PHF20L1: variants seen among roughly 807,000 people sequenced by gnomAD.
PHF20L1 encodes PHD finger protein 20-like protein 1.
A neutral mutation model predicts 125.5 loss-of-function variants in PHF20L1; 44 were observed. The ratio of observed to expected loss-of-function variants is 0.35; its 90% CI spans 0.28 to 0.45. PHF20L1 has a LOEUF of 0.45. Ranked by LOEUF, PHF20L1 falls within the 20% of genes least tolerant of loss-of-function variation. PHF20L1 has a pLI of 1.00. For synonymous variants in PHF20L1, 380 were observed against 403.1 expected (o/e 0.94, Z 0.69); for missense variants, 1,012 against 1,217.2 (o/e 0.83, Z 2.51).
intron 18 of PHF20L1, among the ~76,000 whole-genome samples, chr8:132,840,629 C>T (rs1349102023): frequency 6.6e-6 from 1 of 152,118 alleles, no homozygotes; most frequent in African/African-American, 2.4e-5. Context: ...AACATCCCAG[C>T]TATCCCAAAC....
chr8:132,841,532 A>C (rs1400900242), intron 18 of PHF20L1: 1 of 152,138 alleles, frequency 6.6e-6, no homozygotes, highest in Non-Finnish European at 1.5e-5. Flanking sequence ...GAAATTATTA[A>C]TATGCAAACA....
chr8:132,812,154 A>ATAT (rs1834467206), intron 9 of PHF20L1: 2 of 978,860 alleles, frequency 2.0e-6, no homozygotes, highest in Non-Finnish European at 2.4e-6. Flanking sequence ...CTTTGCCGTT[A>ATAT]TTGTCAATAT....
chr8:132,821,615 G>A (rs1835605037), intron 12 of PHF20L1, among the ~76,000 whole-genome samples: 1 of 151,966 alleles, frequency 6.6e-6, no homozygotes, highest in Non-Finnish European at 1.5e-5. Flanking sequence ...TACAGAGCCT[G>A]GGGTTTCTAT....
At chr8:132,824,131 C>A (rs1835898549) in intron 13 of PHF20L1, 71 bp downstream of exon 13, 1 of 942,326 alleles carries the variant, frequency 1.1e-6, no homozygotes. Flanking sequence ...TAGTCTGCCC[C>A]TTACTCTTTA....
At chr8:132,830,537 A>G (rs1175078217) in intron 14 of PHF20L1, among the ~76,000 whole-genome samples, 5 of 151,654 alleles carry the variant, frequency 3.3e-5, no homozygotes, top group Non-Finnish European at 7.4e-5. Context: ...CCTTTTTCCC[A>G]CTCGTTTCCA....
chr8:132,813,488 T>G (rs2131652132), intron 9 of PHF20L1, among the ~76,000 whole-genome samples: 1 of 152,036 alleles, frequency 6.6e-6, no homozygotes, highest in Non-Finnish European at 1.5e-5. Flanking sequence ...AATTATTTAT[T>G]TATTTAGTCC....
In PHF20L1 at chr8:132,843,159, A is replaced by G. The variant is rs994311478; in HGVS notation, c.2748+284A>G. ...TCGATGCTTCTAAAAAATGAACCAC[A>G]TTGTATTCAAAACGAAAATGTCAGT... On this transcript the variant is annotated intron_variant, in intron 19 of 20. Coordinates refer to ENST00000395386, the MANE Select transcript of PHF20L1 (RefSeq NM_016018.5). 11 of 1,079,764 alleles carry G rather than the reference A, an allele frequency of 1.0e-5. No homozygotes were observed. In the African/African-American group the frequency reaches 1.7e-4, roughly 16 times the overall value. 66.9% of individuals were successfully genotyped at this position (1,079,764 alleles called of 1,614,324 possible). A position where few individuals can be genotyped will look rare whatever the true frequency, so the allele number is the denominator to read the frequency against.
rs771892870 is a variant in PHF20L1, at chr8:132,832,238, A to G, written c.1748A>G (p.Tyr583Cys). 3.6e-5 allele frequency: 57 copies of G among 1,571,490 alleles called. No homozygotes were observed. Among genetic ancestry groups the G allele is most frequent in the Admixed American group, 6.7e-5 (4 of 59,830 alleles). Residue 583 changes from tyrosine to cysteine, a missense_variant, in exon 15 of 21, where the codon TAT becomes TGT. Around this residue, in one of 7 missense-constraint regions of PHF20L1, gnomAD observed 320 missense variants for 293.8 expected, o/e 1.09. Coordinates refer to ENST00000395386, the MANE Select transcript of PHF20L1 (RefSeq NM_016018.5). ...CTTTCTGTATCTTATGTTGCAGACTATTCAGACTATGAAGACAGTTCCCTC... is the reference window on the plus strand; with the variant it reads ...CTTTCTGTATCTTATGTTGCAGACTGTTCAGACTATGAAGACAGTTCCCTC... ...KKKKKSKQHD[Y>C]SDYEDSSLEF...
intron 2 of PHF20L1, among the ~76,000 whole-genome samples, chr8:132,785,325 T>C (rs746063226): frequency 6.6e-6 from 1 of 152,226 alleles, no homozygotes; most frequent in South Asian, 2.1e-4. Flanking sequence ...TTATCTGTTG[T>C]GGTAGTTAAC....
At chr8:132,844,772 T>G (rs966487708) in intron 20 of PHF20L1, among the ~76,000 whole-genome samples, 1 of 152,158 alleles carries the variant, frequency 6.6e-6, no homozygotes, top group Non-Finnish European at 1.5e-5. Context: ...TTTTATATTT[T>G]AAAATTGTGT....
chr8:132,781,060 AG>A (rs1830371221), intron 2 of PHF20L1, among the ~76,000 whole-genome samples: 2 of 152,124 alleles, frequency 1.3e-5, no homozygotes, highest in Admixed American at 6.5e-5. Flanking sequence ...TGTATTGCCC[AG>A]GCTGGTCTGG....
In PHF20L1 at chr8:132,817,669, A is replaced by G. The variant is rs1331790674; in HGVS notation, c.1579+124A>G. On this transcript the variant is annotated intron_variant, in intron 12 of 20. Transcript: ENST00000395386. ...TCCTATATAATTCCTTTTCATAAAT[A>G]CTTTAACATTTATAGGAGAGTTTCA... 5.2e-5 allele frequency: 34 copies of G among 653,160 alleles called. No individual in the cohort carries two copies. The Middle Eastern group carries it at 1.5e-3, about 30-fold the overall frequency. 40.5% of individuals were successfully genotyped at this position (653,160 alleles called of 1,614,324 possible). A position where few individuals can be genotyped will look rare whatever the true frequency, so the allele number is the denominator to read the frequency against.
intron 20 of PHF20L1, 118 bp downstream of exon 20, chr8:132,844,436 G>A (rs1838238027): frequency 2.8e-6 from 2 of 710,376 alleles, no homozygotes. Flanking sequence ...CATACCGATG[G>A]GGCTTTATTA....
At chr8:132,834,755 T>C (rs1837154869) in intron 15 of PHF20L1, among the ~76,000 whole-genome samples, 1 of 151,894 alleles carries the variant, frequency 6.6e-6, no homozygotes, top group South Asian at 2.1e-4. Context: ...ATGGGTGAAA[T>C]TTTCCTCTTT....
chr8:132,842,979 C>T, intron 19 of PHF20L1, 104 bp downstream of exon 19: 2 of 1,468,230 alleles, frequency 1.4e-6, no homozygotes, highest in Non-Finnish European at 1.8e-6. Context: ...GTTGTATTTC[C>T]AAGTTCCCCA....
intron 14 of PHF20L1, among the ~76,000 whole-genome samples, chr8:132,828,169 C>A (rs115455198): frequency 1.2e-4 from 18 of 151,936 alleles, no homozygotes; most frequent in Admixed American, 7.2e-4. Context: ...GAGGGAGTTT[C>A]AAAATTCTTT....
chr8:132,811,083 T>G lies in PHF20L1; in HGVS notation c.885T>G (p.Ala295=). 2 of 1,612,642 alleles carry G rather than the reference T, an allele frequency of 1.2e-6. No individual in the cohort carries two copies. The highest frequency in any genetic ancestry group is 1.7e-6 in the Non-Finnish European group (2 of 1,178,760). The change falls in exon 9 of 21, where the codon GCT becomes GCG. Residue 295 remains alanine, a synonymous_variant. Coordinates refer to ENST00000395386, the MANE Select transcript of PHF20L1 (RefSeq NM_016018.5). The part of the protein sequence containing the change: ...LASKAVGVDG[A]EKKEDYNETA... Reference sequence around the variant, plus strand: ...CCAAAGCTGTTGGGGTTGATGGTGCTGAAAAAAAGGAAGACTACAATGAAA... The same window carrying G: ...CCAAAGCTGTTGGGGTTGATGGTGCGGAAAAAAAGGAAGACTACAATGAAA...
chr8:132,845,911 T>G lies in PHF20L1; in HGVS notation c.3042T>G (p.Leu1014=). The change falls in exon 21 of 21, where the codon CTT becomes CTG. Residue 1014 remains leucine, a synonymous_variant. Coordinates refer to ENST00000395386, the MANE Select transcript of PHF20L1 (RefSeq NM_016018.5). ...DMGKVQQIAT[L]CSV ...GCAAAGTACAGCAGATAGCAACTCT[T>G]TGCTCTGTATGACAACAGTGAACAC... is the stretch of plus-strand genomic sequence containing the variant. 2 of 1,611,804 alleles carry G rather than the reference T, an allele frequency of 1.2e-6. No homozygotes were observed. Among genetic ancestry groups the G allele is most frequent in the Non-Finnish European group, 1.7e-6 (2 of 1,178,432 alleles).
intron 1 of PHF20L1, among the ~76,000 whole-genome samples, chr8:132,776,145 A>G (rs1248416421): frequency 6.6e-6 from 1 of 152,084 alleles, no homozygotes; most frequent in Non-Finnish European, 1.5e-5. Flanking sequence ...CTCCCAGTAG[A>G]CTGTCTTACT....
Sources: gnomAD v4.1 joint callset for allele counts (sites outside exome capture counted in the v4.1 genomes callset) on GRCh38, gnomAD v4.1.1 for gene constraint, gnomAD v4.1.1 regional missense constraint, MANE v1.5 for transcripts, NCBI Gene and HGNC (gene_info 2026-07-23, HGNC 2026-07-21) for gene names.